Variants in EFCAB11 observed in about 807,000 individuals in gnomAD.
The protein encoded by EFCAB11 is EF-hand calcium-binding domain-containing protein 11.
A neutral mutation model predicts 23.0 loss-of-function variants in EFCAB11; 14 were observed. The observed-to-expected ratio is 0.61, with a 90% CI of 0.40 to 0.95. The LOEUF is 0.95. Among genes scored for constraint, EFCAB11 ranks in the 40% least tolerant of loss-of-function variants. The probability of loss-of-function intolerance (pLI) is 0.00; values close to 1 mark genes in which losing one functional copy is unlikely to be tolerated. For missense variants in EFCAB11, 198 were observed against 195.8 expected, an observed-to-expected ratio of 1.01 and a Z score of -0.07; for synonymous variants, 65 against 66.6, an observed-to-expected ratio of 0.98 and a Z score of 0.11.
At chr14:89,869,723 A>C (rs982783588) in intron 5 of EFCAB11, among the ~76,000 whole-genome samples, 1 of 152,220 alleles carries the variant, frequency 6.6e-6, no homozygotes, top group Non-Finnish European at 1.5e-5. Context: ...CAAAGCACAG[A>C]AAGCATTTGG....
intron 5 of EFCAB11, among the ~76,000 whole-genome samples, chr14:89,823,416 C>T (rs1465355073): frequency 2.0e-5 from 3 of 152,128 alleles, no homozygotes; most frequent in Non-Finnish European, 2.9e-5. Flanking sequence ...CCTCCTGAGA[C>T]CCTAAGCAAA....
chr14:89,935,130 CT>C (rs1012485405), intron 3 of EFCAB11, among the ~76,000 whole-genome samples: 8 of 152,228 alleles, frequency 5.3e-5, no homozygotes, highest in African/African-American at 1.9e-4. Flanking sequence ...CAGCTAAGTC[CT>C]TTTTCTGTGA....
At position 89,954,664 on chromosome 14, in the gene EFCAB11, GACT is replaced by G. The variant is rs780036836; in HGVS notation, c.-7_-5del. ...CTCTGGCCTCGGAGAAGAACATCGC[GACT>G]ACAACAACCGAGCCCCAGCAACCCA... On this transcript the variant is annotated 5_prime_UTR_variant, in exon 1 of 6. Transcript: ENST00000316738. 33 of 1,610,806 alleles carry G rather than the reference GACT, an allele frequency of 2.0e-5. No individual in the cohort carries two copies. The highest frequency in any genetic ancestry group is 2.7e-5 in the Non-Finnish European group (32 of 1,179,500).
At chr14:89,876,916 G>GC (rs142969086) in intron 5 of EFCAB11, among the ~76,000 whole-genome samples, 8,191 of 152,198 alleles carry the variant, frequency 0.054, 379 homozygotes, top group African/African-American at 0.12. Flanking sequence ...TGCTTACAAG[G>GC]CAAGAATGAG....
At chr14:89,806,024 G>A (rs1885957918) in intron 5 of EFCAB11, among the ~76,000 whole-genome samples, 1 of 152,138 alleles carries the variant, frequency 6.6e-6, no homozygotes, top group South Asian at 2.1e-4. Context: ...CCAACAGAAA[G>A]TTCTGTTTAT....
chr14:89,887,863 C>T (rs1407696798), intron 5 of EFCAB11, among the ~76,000 whole-genome samples: 3 of 152,156 alleles, frequency 2.0e-5, no homozygotes, highest in Non-Finnish European at 4.4e-5. Context: ...TCGCATTTTT[C>T]TTGAAGCTAT....
chr14:89,797,862 G>C (rs1885628034), intron 5 of EFCAB11, among the ~76,000 whole-genome samples: 1 of 152,164 alleles, frequency 6.6e-6, no homozygotes, highest in African/African-American at 2.4e-5. Flanking sequence ...GAACCCAGGA[G>C]GCAGAGGTTG....
chr14:89,935,355 G>T (rs536519748), intron 3 of EFCAB11, among the ~76,000 whole-genome samples: 1 of 148,918 alleles, frequency 6.7e-6, no homozygotes, highest in Non-Finnish European at 1.5e-5. Context: ...CAAACAAGAT[G>T]TTATTTCTAG....
intron 5 of EFCAB11, chr14:89,924,403 T>C (rs1890122665): frequency 3.9e-6 from 5 of 1,285,904 alleles, no homozygotes; most frequent in East Asian, 3.5e-5. Flanking sequence ...GGTCAGGGCA[T>C]GGACCTTATG....
intron 5 of EFCAB11, chr14:89,830,584 G>A (rs1886849726): frequency 1.3e-5 from 2 of 152,206 alleles, no homozygotes; most frequent in Admixed American, 1.3e-4. Context: ...CTTATAGGAT[G>A]TAATATAAAA....
At chr14:89,870,264 T>C (rs1054211645) in intron 5 of EFCAB11, among the ~76,000 whole-genome samples, 1 of 152,198 alleles carries the variant, frequency 6.6e-6, no homozygotes, top group Non-Finnish European at 1.5e-5. Context: ...CCAGAGCACT[T>C]AGTCTGCAAT....
At chr14:89,913,349 T>C (rs1204691630) in intron 5 of EFCAB11, among the ~76,000 whole-genome samples, 3 of 152,198 alleles carry the variant, frequency 2.0e-5, no homozygotes, top group Non-Finnish European at 4.4e-5. Context: ...AAATGGCTCA[T>C]TGTATAGGAG....
At chr14:89,805,654 C>G (rs1367814340) in intron 5 of EFCAB11, among the ~76,000 whole-genome samples, 1 of 152,076 alleles carries the variant, frequency 6.6e-6, no homozygotes, top group Non-Finnish European at 1.5e-5. Flanking sequence ...AGTCAGAGAA[C>G]AGCACAGTGA....
chr14:89,831,953 G>T (rs1279078374), intron 5 of EFCAB11, among the ~76,000 whole-genome samples: 1 of 152,140 alleles, frequency 6.6e-6, no homozygotes, highest in African/African-American at 2.4e-5. Flanking sequence ...AAGAGTAGAA[G>T]AGAGAAAGAA....
intron 5 of EFCAB11, among the ~76,000 whole-genome samples, chr14:89,870,540 T>C (rs1248379421): frequency 6.6e-6 from 1 of 152,158 alleles, no homozygotes; most frequent in Non-Finnish European, 1.5e-5. Context: ...AGTTAATACA[T>C]ACAAAAGAAC....
At chr14:89,914,566 C>T (rs992110251) in intron 5 of EFCAB11, among the ~76,000 whole-genome samples, 2 of 152,194 alleles carry the variant, frequency 1.3e-5, no homozygotes, top group African/African-American at 4.8e-5. Flanking sequence ...AGGCGGATCA[C>T]TTGAGGCCAG....
chr14:89,812,511 GACA>G (rs1246636674), intron 5 of EFCAB11, among the ~76,000 whole-genome samples: 1 of 152,168 alleles, frequency 6.6e-6, no homozygotes, highest in African/African-American at 2.4e-5. Flanking sequence ...GAACAAATTT[GACA>G]ACAAGAAACA....
intron 3 of EFCAB11, among the ~76,000 whole-genome samples, chr14:89,943,816 T>C (rs1445463828): frequency 1.3e-5 from 2 of 151,886 alleles, no homozygotes; most frequent in Non-Finnish European, 2.9e-5. Flanking sequence ...TGGTCTTGAG[T>C]TTCTCCAAAT....
chr14:89,910,441 T>C (rs907056040), intron 5 of EFCAB11, among the ~76,000 whole-genome samples: 2 of 152,020 alleles, frequency 1.3e-5, no homozygotes, highest in African/African-American at 4.8e-5. Context: ...CTACTAAAAA[T>C]ACAAAAATTT....
Sources: allele counts gnomAD v4.1 joint callset (sites outside exome capture counted in the v4.1 genomes callset), GRCh38; gene constraint gnomAD v4.1.1; transcripts MANE v1.5; gene names NCBI Gene and HGNC (gene_info 2026-07-23, HGNC 2026-07-21).